The following SH3D19 variants were observed in gnomAD, a reference collection of about 807,000 sequenced individuals.
The protein encoded by SH3D19 is SH3 domain containing 19.
In SH3D19, 58 loss-of-function variants were observed where a neutral mutation model predicts 112.1. The ratio of observed to expected loss-of-function variants is 0.52; its 90% confidence interval spans 0.42 to 0.64. The LOEUF (loss-of-function observed/expected upper bound fraction) is 0.64. Ranked by LOEUF, SH3D19 falls within the 30% of genes least tolerant of loss-of-function variation. The pLI is 0.00. For synonymous variants in SH3D19, 391 were observed against 448.5 expected, an observed-to-expected ratio of 0.87 and a Z score of 1.62; for missense variants, 1,090 against 1,263.4, an observed-to-expected ratio of 0.86 and a Z score of 2.08.
At chr4:151,158,744 G>A (rs1370225497) in intron 9 of SH3D19, among the ~76,000 whole-genome samples, 1 of 149,702 alleles carries the variant, frequency 6.7e-6, no homozygotes, top group Non-Finnish European at 1.5e-5. Flanking sequence ...ATATATATAT[G>A]TACTTTAAAA....
chr4:151,318,300 C>CAAAAAAAAAAAAA (rs752720803), intron 1 of SH3D19, among the ~76,000 whole-genome samples: 2 of 54,418 alleles, frequency 3.7e-5, no homozygotes, highest in Non-Finnish European at 7.5e-5. Context: ...GACTCTGACT[C>CAAAAAAAAAAAAA]AAAAAAAAAA....
intron 2 of SH3D19, among the ~76,000 whole-genome samples, chr4:151,194,147 TC>T (rs913982552): frequency 8.7e-5 from 13 of 148,736 alleles, no homozygotes; most frequent in African/African-American, 3.3e-4. Flanking sequence ...TGCCTCAGCC[TC>T]CCAAGTAGCT....
chr4:151,295,370 AG>A (rs1775631019), intron 1 of SH3D19, among the ~76,000 whole-genome samples: 1 of 152,234 alleles, frequency 6.6e-6, no homozygotes, highest in Admixed American at 6.5e-5. Flanking sequence ...GAGTGAAACA[AG>A]GACTGCTGTA....
chr4:151,146,533 T>A (rs1753950542), intron 11 of SH3D19, among the ~76,000 whole-genome samples: 1 of 152,140 alleles, frequency 6.6e-6, no homozygotes, highest in Non-Finnish European at 1.5e-5. Flanking sequence ...TTGTTGTTGT[T>A]GTTGTTGTTT....
At chr4:151,201,760 C>G (rs1315934224) in intron 2 of SH3D19, among the ~76,000 whole-genome samples, 2 of 152,122 alleles carry the variant, frequency 1.3e-5, no homozygotes, top group African/African-American at 4.8e-5. Context: ...CCTATAATCT[C>G]AGCACTTTGG....
intron 4 of SH3D19, among the ~76,000 whole-genome samples, chr4:151,177,156 C>T (rs1760079221): frequency 6.6e-6 from 1 of 152,212 alleles, no homozygotes; most frequent in Non-Finnish European, 1.5e-5. Flanking sequence ...GACAATCATC[C>T]TCTATGACTT....
At chr4:151,291,023 C>A in intron 1 of SH3D19, 1 of 923,704 alleles carries the variant, frequency 1.1e-6, no homozygotes, top group Non-Finnish European at 1.6e-6. Flanking sequence ...CCATGGGTCT[C>A]ATGGCCCAGT....
chr4:151,235,930 C>G (rs922346475), intron 1 of SH3D19, among the ~76,000 whole-genome samples: 8 of 152,218 alleles, frequency 5.3e-5, no homozygotes, highest in African/African-American at 1.9e-4. Flanking sequence ...TAGTCATCTC[C>G]GTGTCCAGCA....
At chr4:151,213,563 T>C (rs1025628761) in intron 2 of SH3D19, among the ~76,000 whole-genome samples, 4 of 152,114 alleles carry the variant, frequency 2.6e-5, no homozygotes, top group African/African-American at 9.7e-5. Flanking sequence ...GAAAACTGCT[T>C]GAGCCTAGGA....
intron 2 of SH3D19, among the ~76,000 whole-genome samples, chr4:151,214,180 G>A (rs182910437): frequency 2.6e-5 from 4 of 151,868 alleles, no homozygotes; most frequent in Admixed American, 6.6e-5. Context: ...GCACAGGGCT[G>A]GGGGGTAAGG....
At chr4:151,123,400 T>G (rs529336323) in intron 19 of SH3D19, among the ~76,000 whole-genome samples, 7 of 152,346 alleles carry the variant, frequency 4.6e-5, no homozygotes, top group African/African-American at 1.4e-4. Flanking sequence ...CACTCTACAT[T>G]TATTCTTGCA....
chr4:151,280,021 G>T (rs1774042794), intron 1 of SH3D19: 2 of 1,546,514 alleles, frequency 1.3e-6, no homozygotes, highest in Non-Finnish European at 8.9e-7. Context: ...ATCACTTCAT[G>T]AATGAACCAA....
chr4:151,214,166 G>A (rs1766490180), intron 2 of SH3D19, among the ~76,000 whole-genome samples: 1 of 151,934 alleles, frequency 6.6e-6, no homozygotes, highest in Non-Finnish European at 1.5e-5. Context: ...ACATGTTTCA[G>A]AGAGCACAGG....
At chr4:151,220,044 C>G (rs916047374) in intron 2 of SH3D19, among the ~76,000 whole-genome samples, 1 of 152,162 alleles carries the variant, frequency 6.6e-6, no homozygotes, top group African/African-American at 2.4e-5. Context: ...CTCATTGATC[C>G]GTAATGCTGC....
chr4:151,302,400 C>T (rs972369266), intron 1 of SH3D19, among the ~76,000 whole-genome samples: 7 of 152,176 alleles, frequency 4.6e-5, no homozygotes, highest in Non-Finnish European at 8.8e-5. Context: ...GGTGTTTCCC[C>T]TCTTCAAGTC....
At chr4:151,139,401 C>T (rs1022819833) in intron 13 of SH3D19, among the ~76,000 whole-genome samples, 1 of 152,184 alleles carries the variant, frequency 6.6e-6, no homozygotes, top group African/African-American at 2.4e-5. Flanking sequence ...ATCCGCCTGC[C>T]TCGGCCTCCC....
intron 1 of SH3D19, among the ~76,000 whole-genome samples, chr4:151,324,218 T>C (rs900916265): frequency 1.3e-5 from 2 of 152,170 alleles, no homozygotes; most frequent in Admixed American, 6.6e-5. Context: ...TTTCCTTTCA[T>C]CCTACTTTCT....
intron 12 of SH3D19, chr4:151,140,102 C>G (rs1752722355): frequency 2.4e-6 from 1 of 419,900 alleles, no homozygotes; most frequent in South Asian, 3.6e-5. Flanking sequence ...CTTTTTTAAG[C>G]TGAGAGAGTA....
At chr4:151,255,751 G>T (rs1771846291) in intron 1 of SH3D19, among the ~76,000 whole-genome samples, 1 of 152,384 alleles carries the variant, frequency 6.6e-6, no homozygotes, top group Non-Finnish European at 1.5e-5. Flanking sequence ...AGCACTGAGT[G>T]AACGAGACTC....
Sources: gnomAD v4.1 joint callset for allele counts (sites outside exome capture counted in the v4.1 genomes callset) on GRCh38, gnomAD v4.1.1 for gene constraint, MANE v1.5 for transcripts, NCBI Gene and HGNC (gene_info 2026-07-23, HGNC 2026-07-21) for gene names.